Variants in PLPP3 observed in about 807,000 individuals in gnomAD.
PLPP3 encodes phospholipid phosphatase 3, also known as PAP2 beta.
Under a neutral mutation model 29.6 loss-of-function variants are expected in PLPP3, and 6 were observed. The observed-to-expected ratio is 0.20, with a 90% CI of 0.11 to 0.40. The LOEUF is 0.40. Ranked by LOEUF, PLPP3 falls within the 10% of genes least tolerant of loss-of-function variation. PLPP3 has a pLI of 1.00. For synonymous variants in PLPP3, 152 were observed against 159.7 expected, an observed-to-expected ratio of 0.95 and a Z score of 0.36; for missense variants, 308 against 407.7, an observed-to-expected ratio of 0.76 and a Z score of 2.11.
intron 1 of PLPP3, among the ~76,000 whole-genome samples, chr1:56,575,149 T>A (rs1646227301): frequency 6.6e-6 from 1 of 152,166 alleles, no homozygotes; most frequent in South Asian, 2.1e-4. Flanking sequence ...ACCGCATGTT[T>A]AATGGCAATA....
intron 1 of PLPP3, among the ~76,000 whole-genome samples, chr1:56,548,344 A>C (rs1221298884): frequency 6.6e-6 from 1 of 152,220 alleles, no homozygotes; most frequent in Admixed American, 6.5e-5. Flanking sequence ...GTCCAAACTA[A>C]TCCCTTTGAC....
intron 2 of PLPP3, among the ~76,000 whole-genome samples, chr1:56,527,244 G>T (rs924766480): frequency 4.6e-5 from 7 of 152,178 alleles, no homozygotes; most frequent in Non-Finnish European, 1.0e-4. Flanking sequence ...ACAAGGAGAT[G>T]AAAAGAACAT....
At chr1:56,546,494 T>C (rs1392217507) in intron 1 of PLPP3, among the ~76,000 whole-genome samples, 5 of 152,200 alleles carry the variant, frequency 3.3e-5, no homozygotes, top group Non-Finnish European at 5.9e-5. Flanking sequence ...TATGTGTATA[T>C]GGTTATGTGT....
intron 5 of PLPP3, 26 bp downstream of exon 5, chr1:56,511,950 C>CATATTG (rs1645743664): frequency 1.2e-6 from 2 of 1,612,298 alleles, no homozygotes; most frequent in African/African-American, 2.7e-5. Context: ...GCTCCACTTG[C>CATATTG]ATATTGAGGA....
intron 1 of PLPP3, among the ~76,000 whole-genome samples, chr1:56,557,145 C>T (rs1431081787): frequency 1.3e-5 from 2 of 150,778 alleles, no homozygotes; most frequent in South Asian, 2.1e-4. Flanking sequence ...TTTGGGAGGC[C>T]GAGGCGGGTG....
intron 1 of PLPP3, among the ~76,000 whole-genome samples, chr1:56,558,748 A>T (rs1023862105): frequency 6.6e-6 from 1 of 152,234 alleles, no homozygotes; most frequent in African/African-American, 2.4e-5. Flanking sequence ...ATCGGAACCC[A>T]GAACTGTCTG....
chr1:56,557,008 A>AAGAAAGAG (rs1553139323), intron 1 of PLPP3, among the ~76,000 whole-genome samples: 240 of 13,728 alleles, frequency 0.017, 11 homozygotes, highest in Admixed American at 0.047. Flanking sequence ...GAAAGAAAGA[A>AAGAAAGAG]AGAGAGAGAG....
At chr1:56,519,495 C>A (rs1182438257) in intron 4 of PLPP3, among the ~76,000 whole-genome samples, 1 of 152,194 alleles carries the variant, frequency 6.6e-6, no homozygotes, top group East Asian at 1.9e-4. Context: ...TAGTCCCTCA[C>A]TAAGCATATA....
rs1216848659 is a variant in PLPP3 at position 56,524,375 on chromosome 1, C to T, written c.477G>A (p.Leu159=). 6.2e-7 allele frequency: 1 copy of T among 1,614,082 alleles called. No individual in the cohort carries two copies. The highest frequency in any genetic ancestry group is 1.1e-5 in the South Asian group (1 of 91,088). The change falls in exon 3 of 6, where the codon TTG becomes TTA. Residue 159 remains leucine (L), a synonymous_variant. Coordinates refer to ENST00000371250, the MANE Select transcript of PLPP3 (RefSeq NM_003713.5). The surrounding 1 kb of genome is among the most constrained non-coding windows in gnomAD (Gnocchi z 4.3). ...VSIGRLRPHF[L]SVCNPDFSQI... ...GGCTGAAATCAGGGTTGCAGACACT[C>T]AAGAAGTGAGGACGCAGGCGCCCTA...
At chr1:56,556,606 A>G (rs928707357) in intron 1 of PLPP3, among the ~76,000 whole-genome samples, 1 of 151,884 alleles carries the variant, frequency 6.6e-6, no homozygotes, top group African/African-American at 2.4e-5. Context: ...AAAAAGCAAC[A>G]TTGTTATGCT....
Position 56,545,322 on chromosome 1 carries a change from A to G in PLPP3, c.140-8210T>C, listed in dbSNP as rs1355103350. 2.0e-5 allele frequency among the ~76,000 whole-genome samples: 3 copies of G among 152,188 alleles called. No homozygotes were observed. The East Asian group carries it at 5.8e-4, about 29-fold the overall frequency. On this transcript the variant is annotated intron_variant, in intron 1 of 5. Coordinates refer to ENST00000371250, the MANE Select transcript of PLPP3 (RefSeq NM_003713.5). ...CCAATGTACAGAGTTGATTAGGAGGACTAAGATGTAGTTGATAAAATAAGT... is the reference window on the plus strand; with the variant it reads ...CCAATGTACAGAGTTGATTAGGAGGGCTAAGATGTAGTTGATAAAATAAGT...
At position 56,496,524 on chromosome 1, in the gene PLPP3, A is replaced by G. The variant is rs750179615; in HGVS notation, c.*27T>C. On this transcript the variant is annotated 3_prime_UTR_variant, in exon 6 of 6. Transcript: ENST00000371250. ...AACTTGCTGTCAGCAGTCATTTTAC[A>G]AAAACAGCTCAGGAGGTGGGTGGCA... The G allele has an allele frequency of 9.3e-6, 15 of 1,611,924 alleles. No individual in the cohort carries two copies. Among genetic ancestry groups the G allele is most frequent in the Non-Finnish European group, 1.3e-5 (15 of 1,178,510 alleles).
rs146609218 is a variant in PLPP3 at position 56,544,989 on chromosome 1, ATTTGAT to A, written c.140-7883_140-7878del. On this transcript the variant is annotated intron_variant, in intron 1 of 5. Transcript: ENST00000371250. Reference sequence around the variant, plus strand: ...TCTGAGCTCTTACATAAATCATCACATTTGATCTTCCTAACAACTCCATGAAGTAAT... The same window carrying A: ...TCTGAGCTCTTACATAAATCATCACACTTCCTAACAACTCCATGAAGTAAT... Among the ~76,000 whole-genome samples, 757 of 152,310 alleles carry A rather than the reference ATTTGAT, an allele frequency of 5.0e-3. 4 individuals carry two copies. The highest frequency in any genetic ancestry group is 7.1e-3 in the Non-Finnish European group (481 of 68,020).
At chr1:56,564,553 T>A (rs1235662536) in intron 1 of PLPP3, among the ~76,000 whole-genome samples, 2 of 152,206 alleles carry the variant, frequency 1.3e-5, no homozygotes, top group Non-Finnish European at 2.9e-5. Context: ...CAAGCACAGC[T>A]GCAACAACAA....
chr1:56,499,025 A>T (rs543752307), intron 5 of PLPP3, among the ~76,000 whole-genome samples: 2 of 152,206 alleles, frequency 1.3e-5, no homozygotes, highest in East Asian at 3.9e-4. Context: ...TTCTCCCAGA[A>T]TCCATCCCAT....
chr1:56,531,473 C>T (rs1207881992), intron 2 of PLPP3, among the ~76,000 whole-genome samples: 7 of 152,198 alleles, frequency 4.6e-5, no homozygotes, highest in Admixed American at 2.0e-4. Flanking sequence ...AGGTATCACC[C>T]GGCACCTACC....
intron 1 of PLPP3, among the ~76,000 whole-genome samples, chr1:56,546,189 G>A (rs1646004813): frequency 2.0e-5 from 3 of 152,154 alleles, no homozygotes; most frequent in African/African-American, 7.2e-5. Flanking sequence ...CTGCCTTCCC[G>A]CAGGGAGCAT....
At chr1:56,570,344 T>C (rs2065553) in intron 1 of PLPP3, among the ~76,000 whole-genome samples, 136,473 of 152,242 alleles carry the variant, frequency 0.9, 61,285 homozygotes, top group Non-Finnish European at 0.92. Flanking sequence ...AAGGCGCTTA[T>C]AATGATTTGC....
At chr1:56,511,855 C>T (rs914275044) in intron 5 of PLPP3, 121 bp downstream of exon 5, 4 of 1,235,386 alleles carry the variant, frequency 3.2e-6, no homozygotes, top group Admixed American at 4.1e-5. Flanking sequence ...CCAGGTGACT[C>T]TTCAGACACC....
Sources: allele counts gnomAD v4.1 joint callset (sites outside exome capture counted in the v4.1 genomes callset), GRCh38; gene constraint gnomAD v4.1.1; non-coding constraint Gnocchi (gnomAD v3.1); transcripts MANE v1.5; gene names NCBI Gene and HGNC (gene_info 2026-07-23, HGNC 2026-07-21).